The following GPC6 variants were observed in gnomAD, a reference collection of about 807,000 sequenced individuals.
GPC6 encodes the protein glypican-6.
Under a neutral mutation model 55.2 loss-of-function variants are expected in GPC6, and 14 were observed. That is an observed-to-expected ratio of 0.25 (90% CI 0.17 to 0.40). GPC6 has a LOEUF of 0.40. GPC6 is among the 10% of genes least tolerant of loss of function. The pLI is 1.00. For synonymous variants in GPC6, 278 were observed against 259.6 expected (o/e 1.07, Z -0.68); for missense variants, 641 against 708.5 (o/e 0.90, Z 1.08).
intron 2 of GPC6, among the ~76,000 whole-genome samples, chr13:93,705,317 A>G (rs1307411509): frequency 2.0e-5 from 3 of 151,958 alleles, no homozygotes; most frequent in African/African-American, 7.2e-5. Context: ...CCTGGTCCAT[A>G]AGAAAATAAG....
At chr13:93,424,628 C>CA (rs2139264584) in intron 1 of GPC6, among the ~76,000 whole-genome samples, 1 of 151,990 alleles carries the variant, frequency 6.6e-6, no homozygotes, top group South Asian at 2.1e-4. Flanking sequence ...TCATCATCAT[C>CA]TTCATCATCA....
chr13:93,604,217 T>C (rs1316402830), intron 2 of GPC6, among the ~76,000 whole-genome samples: 1 of 152,236 alleles, frequency 6.6e-6, no homozygotes, highest in Non-Finnish European at 1.5e-5. Context: ...AGTAACAAAT[T>C]ATCAAGCAAT....
intron 4 of GPC6, among the ~76,000 whole-genome samples, chr13:94,073,672 G>A (rs888377255): frequency 2.6e-5 from 4 of 152,168 alleles, no homozygotes; most frequent in African/African-American, 9.7e-5. Flanking sequence ...CCAAGTATCA[G>A]GTGGTTCTGT....
Position 94,292,658 on chromosome 13 carries a change from G to A in GPC6, c.1008+6179G>A, listed in dbSNP as rs781555341. On this transcript the variant is annotated intron_variant, in intron 5 of 8. Transcript: ENST00000377047. ...CTCTCTTATGTATATGAAGGCCAAA[G>A]GTGAACACAACACAGTTTCAGATGG... is the stretch of plus-strand genomic sequence containing the variant. Among the ~76,000 whole-genome samples, 6 of 151,836 alleles carry A rather than the reference G, an allele frequency of 4.0e-5. 1 individual carries two copies. The South Asian group carries it at 8.3e-4, about 21-fold the overall frequency.
rs1881312094 is a variant in GPC6 at position 94,405,058 on chromosome 13, TA to T, written c.*1845del. ...TTTTTCAATCTGTTCTCATCAAAATTAAAATTAGTTATTGATTTAGTCATCA... is the reference window on the plus strand; with the variant it reads ...TTTTTCAATCTGTTCTCATCAAAATTAAATTAGTTATTGATTTAGTCATCA... On this transcript the variant is annotated 3_prime_UTR_variant, in exon 9 of 9. Transcript: ENST00000377047. 1 of 152,246 alleles carries T rather than the reference TA, an allele frequency of 6.6e-6. No homozygotes were observed. The highest frequency in any genetic ancestry group is 2.1e-4 in the South Asian group (1 of 4,834). 9.4% of individuals were successfully genotyped at this position (152,246 alleles called of 1,614,324 possible).
At chr13:93,285,053 G>A (rs886664067) in intron 1 of GPC6, among the ~76,000 whole-genome samples, 1 of 152,128 alleles carries the variant, frequency 6.6e-6, no homozygotes, top group Non-Finnish European at 1.5e-5. Context: ...ATGTGGTAAA[G>A]GCCCCTTTGA....
At chr13:94,040,359 T>TC (rs144103896) in intron 4 of GPC6, among the ~76,000 whole-genome samples, 2,045 of 151,832 alleles carry the variant, frequency 0.013, 51 homozygotes, top group South Asian at 0.076. Flanking sequence ...GGACATTAAG[T>TC]CCCCCAAGGA....
At chr13:93,588,151 T>G (rs1346682501) in intron 2 of GPC6, among the ~76,000 whole-genome samples, 1 of 152,242 alleles carries the variant, frequency 6.6e-6, no homozygotes, top group African/African-American at 2.4e-5. Context: ...CATTGACCAC[T>G]TCTTCGTTTT....
chr13:93,293,849 A>G (rs141887806), intron 1 of GPC6, among the ~76,000 whole-genome samples: 22 of 151,328 alleles, frequency 1.5e-4, no homozygotes, highest in Non-Finnish European at 2.8e-4. Flanking sequence ...TTTCCTTCTA[A>G]GCATCTCAAC....
chr13:93,673,804 C>T (rs990690716), intron 2 of GPC6, among the ~76,000 whole-genome samples: 2 of 151,992 alleles, frequency 1.3e-5, no homozygotes, highest in South Asian at 2.1e-4. Flanking sequence ...TTCCAAATGA[C>T]GTGTATTTGG....
chr13:93,815,865 A>T (rs1886832128), intron 2 of GPC6, among the ~76,000 whole-genome samples: 1 of 152,162 alleles, frequency 6.6e-6, no homozygotes, highest in African/African-American at 2.4e-5. Flanking sequence ...GATAGATTTA[A>T]AGACTAAAAT....
At chr13:93,773,070 G>A (rs1456347508) in intron 2 of GPC6, among the ~76,000 whole-genome samples, 1 of 151,986 alleles carries the variant, frequency 6.6e-6, no homozygotes, top group Non-Finnish European at 1.5e-5. Flanking sequence ...TCCTCACAAG[G>A]AAGGCACTTC....
chr13:94,240,681 A>T (rs1008622057), intron 4 of GPC6, among the ~76,000 whole-genome samples: 4 of 152,162 alleles, frequency 2.6e-5, no homozygotes, highest in African/African-American at 9.7e-5. Flanking sequence ...GTAGTATTTC[A>T]GAGAGTGATG....
At chr13:94,197,989 A>G (rs905243767) in intron 4 of GPC6, among the ~76,000 whole-genome samples, 2 of 152,230 alleles carry the variant, frequency 1.3e-5, no homozygotes, top group African/African-American at 4.8e-5. Context: ...AAGAAAAATA[A>G]TGTTTTGATT....
intron 2 of GPC6, among the ~76,000 whole-genome samples, chr13:93,733,149 G>C (rs950852187): frequency 2.0e-5 from 3 of 151,936 alleles, no homozygotes; most frequent in Non-Finnish European, 4.4e-5. Context: ...TATTATATTT[G>C]CTAATGGAGG....
chr13:93,967,052 A>C (rs1441666211), intron 3 of GPC6, among the ~76,000 whole-genome samples: 2 of 152,196 alleles, frequency 1.3e-5, no homozygotes, highest in African/African-American at 4.8e-5. Flanking sequence ...AGAAGAAAGC[A>C]TGAGAAAGGG....
chr13:93,244,048 G>A (rs1306055302), intron 1 of GPC6, among the ~76,000 whole-genome samples: 5 of 152,100 alleles, frequency 3.3e-5, no homozygotes, highest in South Asian at 2.1e-4. Context: ...AGGCAGTCCC[G>A]TGCTTTGGCT....
chr13:93,806,487 A>G (rs1886546436), intron 2 of GPC6, among the ~76,000 whole-genome samples: 1 of 152,104 alleles, frequency 6.6e-6, no homozygotes, highest in South Asian at 2.1e-4. Context: ...AAAGGTGTAC[A>G]TACCACCATG....
chr13:93,357,434 G>T (rs1880887450), intron 1 of GPC6, among the ~76,000 whole-genome samples: 1 of 152,166 alleles, frequency 6.6e-6, no homozygotes, highest in African/African-American at 2.4e-5. Flanking sequence ...GGGGAAAATA[G>T]ATTATAGGAT....
Sources: gnomAD v4.1 joint callset for allele counts (sites outside exome capture counted in the v4.1 genomes callset) on GRCh38, gnomAD v4.1.1 for gene constraint, MANE v1.5 for transcripts, NCBI Gene and HGNC (gene_info 2026-07-23, HGNC 2026-07-21) for gene names.